The following IKZF1 variants were observed in gnomAD, a reference collection of about 807,000 sequenced individuals.
IKZF1 encodes the protein DNA-binding protein Ikaros.
In IKZF1, 10 loss-of-function variants were observed where a neutral mutation model predicts 51.7. That is an observed-to-expected ratio of 0.19 (90% CI 0.12 to 0.33). The LOEUF is 0.33. IKZF1 is among the 10% of genes least tolerant of loss of function. IKZF1 has a pLI of 1.00. For missense variants in IKZF1, 484 were observed against 707.5 expected (o/e 0.68, Z 3.58); for synonymous variants, 280 against 282.3 (o/e 0.99, Z 0.08).
intron 3 of IKZF1, among the ~76,000 whole-genome samples, chr7:50,341,417 A>G (rs1435277023): frequency 1.3e-5 from 2 of 152,174 alleles, no homozygotes; most frequent in Non-Finnish European, 2.9e-5. Flanking sequence ...TGCTGGGATT[A>G]CAGATGTGAG....
intron 5 of IKZF1, among the ~76,000 whole-genome samples, chr7:50,383,993 A>T (rs1428552383): frequency 6.6e-6 from 1 of 152,262 alleles, no homozygotes; most frequent in Non-Finnish European, 1.5e-5. Context: ...GCACACAAGG[A>T]AAGCACCAAT....
chr7:50,345,349 A>G (rs80335142), intron 3 of IKZF1, among the ~76,000 whole-genome samples: 9 of 152,240 alleles, frequency 5.9e-5, no homozygotes, highest in African/African-American at 2.2e-4. Context: ...TGAATCAGTT[A>G]CAAGATATTG....
chr7:50,383,333 TGACAA>T (rs949302807), intron 5 of IKZF1, among the ~76,000 whole-genome samples: 11 of 152,188 alleles, frequency 7.2e-5, no homozygotes, highest in Non-Finnish European at 2.9e-5. Flanking sequence ...TCTGGAGTCT[TGACAA>T]GATCATCATA....
chr7:50,305,908 G>C (rs1337622074), intron 1 of IKZF1, among the ~76,000 whole-genome samples: 1 of 152,190 alleles, frequency 6.6e-6, no homozygotes, highest in Non-Finnish European at 1.5e-5. Context: ...TATGAGTCGA[G>C]GGGTGGGGGG....
chr7:50,387,456 G>A lies in IKZF1; in HGVS notation c.701G>A (p.Gly234Asp), dbSNP rs555206872. The A allele has an allele frequency of 1.2e-6, 2 of 1,610,648 alleles. No homozygotes were observed. Among genetic ancestry groups the A allele is most frequent in the Admixed American group, 1.7e-5 (1 of 59,634 alleles). Reference sequence around the variant, plus strand: ...TACTTGGAAAGCATGGGCCTTCCGGGCACACTGTACCCAGGTAAGCGCTGC... The same window carrying A: ...TACTTGGAAAGCATGGGCCTTCCGGACACACTGTACCCAGGTAAGCGCTGC... ...HNYLESMGLP[G>D]TLYPVIKEET... Residue 234 changes from glycine to aspartate, a missense_variant, in exon 6 of 8, where the codon GGC becomes GAC. By Grantham distance (94) the Gly-to-Asp change is moderately conservative. Transcript: ENST00000331340.
At chr7:50,309,094 G>A (rs1562702307) in intron 1 of IKZF1, among the ~76,000 whole-genome samples, 1 of 152,220 alleles carries the variant, frequency 6.6e-6, no homozygotes, top group Non-Finnish European at 1.5e-5. Context: ...CTCTGCTTTC[G>A]GATGGCCCCA....
rs376295460 is a variant in IKZF1, at chr7:50,404,175, ATGT to A, written c.*3552_*3554del. 343 of 214,906 alleles carry A rather than the reference ATGT, an allele frequency of 1.6e-3. 2 individuals carry two copies. Among genetic ancestry groups the A allele is most frequent in the African/African-American group, 7.4e-3 (329 of 44,382 alleles). The allele number at this position is 214,906 out of a possible 1,614,324, so 13.3% of individuals were successfully genotyped here. A position where few individuals can be genotyped will look rare whatever the true frequency, so the allele number is the denominator to read the frequency against. On this transcript the variant is annotated 3_prime_UTR_variant, in exon 8 of 8. Coordinates refer to ENST00000331340, the MANE Select transcript of IKZF1 (RefSeq NM_006060.6). ...ATACTTTCTAATACAGTTTTTTATA[ATGT>A]TGTGTGTGGTGATTGTTCAGGTCGA...
chr7:50,366,109 G>A lies in IKZF1; in HGVS notation c.161-10424G>A, dbSNP rs554829694. Among the ~76,000 whole-genome samples, 3 of 152,232 alleles carry A rather than the reference G, an allele frequency of 2.0e-5. No individual in the cohort carries two copies. The South Asian group carries it at 6.2e-4, about 32-fold the overall frequency. On this transcript the variant is annotated intron_variant, in intron 3 of 7. Coordinates refer to ENST00000331340, the MANE Select transcript of IKZF1 (RefSeq NM_006060.6). ...TGGGCACATAGAGGGGCCTATCAGA[G>A]GGTGGAGGGTGGGAGAAGGAAGAGT...
chr7:50,340,428 C>A (rs1171639286), intron 3 of IKZF1, among the ~76,000 whole-genome samples: 1 of 152,216 alleles, frequency 6.6e-6, no homozygotes, highest in African/African-American at 2.4e-5. Flanking sequence ...TCACTCCTCA[C>A]CAGGCTGGGT....
At position 50,402,479 on chromosome 7, in the gene IKZF1, C is replaced by T. The variant is rs1585047524; in HGVS notation, c.*1852C>T. The T allele has an allele frequency of 1.3e-5, 3 of 230,936 alleles. No homozygotes were observed. Among genetic ancestry groups the T allele is most frequent in the Middle Eastern group, 1.3e-3 (1 of 778 alleles). 14.3% of individuals were successfully genotyped at this position (230,936 alleles called of 1,614,324 possible). A position where few individuals can be genotyped will look rare whatever the true frequency, so the allele number is the denominator to read the frequency against. ...TCCAGACATCACCAACTGTCCCCTGCGAGGAGAAATCACTCCTGGGGGAGA... is the reference window on the plus strand; with the variant it reads ...TCCAGACATCACCAACTGTCCCCTGTGAGGAGAAATCACTCCTGGGGGAGA... On this transcript the variant is annotated 3_prime_UTR_variant, in exon 8 of 8. Coordinates refer to ENST00000331340, the MANE Select transcript of IKZF1 (RefSeq NM_006060.6).
At chr7:50,333,042 G>T (rs1796763449) in intron 3 of IKZF1, among the ~76,000 whole-genome samples, 1 of 150,736 alleles carries the variant, frequency 6.6e-6, no homozygotes, top group African/African-American at 2.4e-5. Context: ...GGTCCTTCAT[G>T]TTGAATAGTT....
upstream of IKZF1, chr7:50,303,924 C>T (rs1288822112): frequency 3.4e-5 from 5 of 145,116 alleles, no homozygotes; most frequent in Non-Finnish European, 7.7e-5. This position sits in a 1 kb window ranked among gnomAD's most constrained non-coding sequence, Gnocchi z 4.7. Context: ...GCGGCCGAGC[C>T]GGGCTGCCCG....
At chr7:50,370,363 G>A (rs920811202) in intron 3 of IKZF1, among the ~76,000 whole-genome samples, 1 of 152,240 alleles carries the variant, frequency 6.6e-6, no homozygotes, top group Non-Finnish European at 1.5e-5. Context: ...ATTAAAAAAT[G>A]TTTAATTATC....
chr7:50,357,323 T>G (rs1193074640), intron 3 of IKZF1, among the ~76,000 whole-genome samples: 1 of 151,904 alleles, frequency 6.6e-6, no homozygotes, highest in Non-Finnish European at 1.5e-5. Flanking sequence ...TCCCCATGAT[T>G]CTCTGAGCCA....
chr7:50,343,679 T>G (rs1799650377), intron 3 of IKZF1, among the ~76,000 whole-genome samples: 1 of 152,204 alleles, frequency 6.6e-6, no homozygotes, highest in African/African-American at 2.4e-5. Context: ...TTTAACTGAG[T>G]GTACCTAGAG....
intron 6 of IKZF1, among the ~76,000 whole-genome samples, chr7:50,387,679 G>C (rs1300221248): frequency 5.9e-5 from 9 of 152,150 alleles, no homozygotes; most frequent in African/African-American, 2.4e-5. Context: ...TGACCAGAGA[G>C]AGCTTGATTT....
chr7:50,359,031 G>C (rs1445432535), intron 3 of IKZF1, among the ~76,000 whole-genome samples: 1 of 152,176 alleles, frequency 6.6e-6, no homozygotes, highest in Admixed American at 6.5e-5. Flanking sequence ...AGACTGAGGT[G>C]GAAGGATCAT....
chr7:50,398,661 C>A (rs940018781), intron 7 of IKZF1, among the ~76,000 whole-genome samples: 3 of 152,224 alleles, frequency 2.0e-5, no homozygotes, highest in Non-Finnish European at 2.9e-5. Flanking sequence ...GGATGGGGAC[C>A]ATTCTCACTT....
intron 3 of IKZF1, among the ~76,000 whole-genome samples, chr7:50,357,709 G>A (rs1194892249): frequency 1.3e-5 from 2 of 152,102 alleles, no homozygotes; most frequent in African/African-American, 4.8e-5. Flanking sequence ...CCTCCCTGAT[G>A]TGTAGTGTGG....
Sources: gnomAD v4.1 joint callset for allele counts (sites outside exome capture counted in the v4.1 genomes callset) on GRCh38, gnomAD v4.1.1 for gene constraint, Gnocchi (gnomAD v3.1) non-coding constraint, MANE v1.5 for transcripts, NCBI Gene and HGNC (gene_info 2026-07-23, HGNC 2026-07-21) for gene names.